Variants in NLGN1 observed in about 807,000 individuals in gnomAD.
NLGN1 encodes neuroligin 1.
In NLGN1, 12 loss-of-function variants were observed where a neutral mutation model predicts 65.5. The ratio of observed to expected loss-of-function variants is 0.18; its 90% CI spans 0.12 to 0.30. The LOEUF (loss-of-function observed/expected upper bound fraction) is 0.30, where lower values mean the gene tolerates loss of function less well. NLGN1 is among the 10% of genes least tolerant of loss of function. NLGN1 has a pLI of 1.00. For synonymous variants in NLGN1, 350 were observed against 359.5 expected, an observed-to-expected ratio of 0.97 and a Z score of 0.30; for missense variants, 750 against 1,007.1, an observed-to-expected ratio of 0.74 and a Z score of 3.46.
intron 2 of NLGN1, among the ~76,000 whole-genome samples, chr3:173,507,878 T>G (rs1333399419): frequency 2.0e-5 from 3 of 152,182 alleles, no homozygotes; most frequent in Non-Finnish European, 4.4e-5. Flanking sequence ...GCTCCTTTGT[T>G]AAACATGCAG....
rs139825126 is a variant in NLGN1 at position 173,839,779 on chromosome 3, T to C, written c.646+31947T>C. ...TTTCATTAAAGGGCTATGCCTATAATGCTTAAAGCACTCAAACATTAGCAG... is the reference window on the plus strand; with the variant it reads ...TTTCATTAAAGGGCTATGCCTATAACGCTTAAAGCACTCAAACATTAGCAG... On this transcript the variant is annotated intron_variant, in intron 4 of 6. Coordinates refer to ENST00000457714, the Ensembl canonical transcript of NLGN1. Among the ~76,000 whole-genome samples the C allele has an allele frequency of 1.2e-3, 182 of 152,270 alleles. 1 individual carries two copies. Among genetic ancestry groups the C allele is most frequent in the African/African-American group, 4.3e-3 (177 of 41,568 alleles).
chr3:174,184,314 C>T (rs1181518841), intron 4 of NLGN1, among the ~76,000 whole-genome samples: 1 of 151,346 alleles, frequency 6.6e-6, no homozygotes, highest in Non-Finnish European at 1.5e-5. Flanking sequence ...TCAAAAAACA[C>T]TCAGCCAAAT....
intron 4 of NLGN1, among the ~76,000 whole-genome samples, chr3:174,113,459 C>G (rs1040423430): frequency 2.0e-5 from 3 of 151,942 alleles, no homozygotes; most frequent in Non-Finnish European, 4.4e-5. Context: ...GTATTCTACT[C>G]TAGTATTTAT....
intron 4 of NLGN1, among the ~76,000 whole-genome samples, chr3:174,094,229 G>A (rs947245289): frequency 5.3e-5 from 8 of 151,852 alleles, no homozygotes; most frequent in African/African-American, 1.4e-4. Context: ...TATAAGTTAC[G>A]CCCCCAAAAT....
rs923356505 is a variant in NLGN1 at position 173,981,421 on chromosome 3, G to A, written c.646+173589G>A. Among the ~76,000 whole-genome samples the A allele has an allele frequency of 4.6e-5, 7 of 152,196 alleles. No homozygotes were observed. The South Asian group carries it at 1.0e-3, about 23-fold the overall frequency. ...AAGAATATTGACCAAATAAATTTCC[G>A]TATGAAGTTGGTTTAGCTGGAAGTG... is the stretch of plus-strand genomic sequence containing the variant. On this transcript the variant is annotated intron_variant, in intron 4 of 6. Coordinates refer to ENST00000457714, the Ensembl canonical transcript of NLGN1.
intron 2 of NLGN1, among the ~76,000 whole-genome samples, chr3:173,530,804 TTCA>T (rs1215626572): frequency 3.9e-5 from 6 of 152,128 alleles, no homozygotes; most frequent in Non-Finnish European, 8.8e-5. Flanking sequence ...CTCTTTATAG[TTCA>T]TCATTTTTCT....
At chr3:174,266,044 A>ATG (rs1553984777) in intron 4 of NLGN1, among the ~76,000 whole-genome samples, 1 of 123,010 alleles carries the variant, frequency 8.1e-6, no homozygotes. Context: ...ATATATATAT[A>ATG]TATTTTTTTT....
chr3:173,800,393 CA>C, intron 3 of NLGN1: 3 of 794,310 alleles, frequency 3.8e-6, no homozygotes, highest in Non-Finnish European at 5.2e-6. Context: ...ACAAGGGCCT[CA>C]ATCACTTTTT....
chr3:173,903,486 A>G lies in NLGN1; in HGVS notation c.646+95654A>G, dbSNP rs140731348. ...GATTATCTGAAATATATTTATGTAA[A>G]ACATAAACATGTTTCTCTCAATTAT... On this transcript the variant is annotated intron_variant, in intron 4 of 6. Transcript: ENST00000457714. 6.5e-4 allele frequency among the ~76,000 whole-genome samples: 99 copies of G among 152,302 alleles called. 1 individual carries two copies. In the East Asian group the frequency reaches 0.016, roughly 24 times the overall value.
intron 2 of NLGN1, among the ~76,000 whole-genome samples, chr3:173,446,415 G>C (rs1290232728): frequency 6.6e-6 from 1 of 151,924 alleles, no homozygotes; most frequent in Non-Finnish European, 1.5e-5. Context: ...TTATGGCTGC[G>C]TAGTATTCCA....
chr3:173,623,052 G>A (rs1187966098), intron 3 of NLGN1, among the ~76,000 whole-genome samples: 1 of 152,020 alleles, frequency 6.6e-6, no homozygotes, highest in Non-Finnish European at 1.5e-5. Flanking sequence ...GCTGAATGAA[G>A]AACTAGGCTA....
intron 4 of NLGN1, among the ~76,000 whole-genome samples, chr3:174,269,306 A>G (rs1016248007): frequency 2.0e-5 from 3 of 151,780 alleles, no homozygotes; most frequent in Non-Finnish European, 4.4e-5. Context: ...CAACACTGAA[A>G]CTCTATACTC....
At chr3:173,610,453 T>C (rs943043967) in intron 3 of NLGN1, among the ~76,000 whole-genome samples, 1 of 151,954 alleles carries the variant, frequency 6.6e-6, no homozygotes, top group African/African-American at 2.4e-5. Context: ...TGTAGAGATA[T>C]AAATTTGGCA....
At chr3:173,888,042 TG>T (rs1276294498) in intron 4 of NLGN1, among the ~76,000 whole-genome samples, 1 of 152,042 alleles carries the variant, frequency 6.6e-6, no homozygotes, top group African/African-American at 2.4e-5. Flanking sequence ...ATGCCTGTAG[TG>T]ACAGTGAAAC....
intron 3 of NLGN1, among the ~76,000 whole-genome samples, chr3:173,658,988 G>A (rs1760503962): frequency 6.6e-6 from 1 of 152,008 alleles, no homozygotes; most frequent in Non-Finnish European, 1.5e-5. Context: ...CTTCTGTGAA[G>A]ATAAGCACAC....
chr3:174,211,057 C>T (rs1736378288), intron 4 of NLGN1, among the ~76,000 whole-genome samples: 1 of 152,158 alleles, frequency 6.6e-6, no homozygotes, highest in African/African-American at 2.4e-5. Flanking sequence ...TTCGGAGTTT[C>T]TTCCTTCTGG....
intron 4 of NLGN1, among the ~76,000 whole-genome samples, chr3:173,871,609 A>G (rs1232688187): frequency 5.7e-4 from 87 of 152,250 alleles, no homozygotes; most frequent in Admixed American, 5.6e-3. Context: ...GAAAGATAGC[A>G]TAGCTCTACT....
intron 3 of NLGN1, among the ~76,000 whole-genome samples, chr3:173,719,221 G>A (rs545763486): frequency 4.6e-5 from 7 of 152,264 alleles, no homozygotes; most frequent in African/African-American, 1.7e-4. Context: ...CTAGGTAACT[G>A]AAAAATGGCA....
chr3:173,680,393 A>G (rs368748691), intron 3 of NLGN1, among the ~76,000 whole-genome samples: 3 of 152,318 alleles, frequency 2.0e-5, no homozygotes, highest in African/African-American at 7.2e-5. Context: ...AATTATCTAT[A>G]TGCCTATAAA....
Sources: allele counts gnomAD v4.1 joint callset (sites outside exome capture counted in the v4.1 genomes callset), GRCh38; gene constraint gnomAD v4.1.1; transcripts MANE v1.5; gene names NCBI Gene and HGNC (gene_info 2026-07-23, HGNC 2026-07-21).